The following N4BP2 variants were observed in gnomAD, a reference collection of about 807,000 sequenced individuals.
N4BP2 encodes the protein NEDD4 binding protein 2.
N4BP2 carries 91 observed loss-of-function variants against 152.8 expected under a neutral mutation model. That is an observed-to-expected ratio of 0.60 (90% CI 0.50 to 0.71). N4BP2 has a LOEUF of 0.71. Among genes scored for constraint, N4BP2 ranks in the 30% least tolerant of loss-of-function variants. The pLI is 0.00. For missense variants in N4BP2, 1,923 were observed against 2,059.1 expected (o/e 0.93, Z 1.28); for synonymous variants, 646 against 705.3 (o/e 0.92, Z 1.33).
chr4:40,175,104 T>C, the N4BP2 span, among the ~76,000 whole-genome samples: 1 of 152,080 alleles, frequency 6.6e-6, no homozygotes, highest in East Asian at 1.9e-4. Flanking sequence ...CACTGCAGCC[T>C]AGAATTCCTG....
chr4:40,104,865 T>C (rs368570150), intron 4 of N4BP2, among the ~76,000 whole-genome samples: 258 of 150,218 alleles, frequency 1.7e-3, no homozygotes, highest in African/African-American at 5.9e-3. Context: ...AGTGCAGTGG[T>C]GCGATCTCGG....
At chr4:40,185,488 T>C in the N4BP2 span, among the ~76,000 whole-genome samples, 20,472 of 152,160 alleles carry the variant, frequency 0.13, 1,645 homozygotes, top group Non-Finnish European at 0.18. Flanking sequence ...AGACAAGAAT[T>C]AGAGAACAAA....
chr4:40,136,779 A>AT (rs979259636), intron 13 of N4BP2, among the ~76,000 whole-genome samples, 165 bp from the exon 14 acceptor site: 11 of 151,502 alleles, frequency 7.3e-5, no homozygotes, highest in South Asian at 2.1e-4. Context: ...ATTATTCTTG[A>AT]TTTTTTTTTG....
chr4:40,093,018 A>G lies in N4BP2; in HGVS notation c.-114-4209A>G, dbSNP rs537206523. On this transcript the variant is annotated intron_variant, in intron 2 of 17. Transcript: ENST00000261435. ...GAATGCAATGGCGCAGTTTCAGTTC[A>G]CTGCAACCTCTGCCTCCTGGGTTCA... Among the ~76,000 whole-genome samples the G allele has an allele frequency of 3.3e-5, 5 of 150,378 alleles. No homozygotes were observed. The South Asian group carries it at 1.1e-3, about 32-fold the overall frequency.
chr4:40,144,898 G>A (rs1720368091), intron 16 of N4BP2, 98 bp downstream of exon 16: 17 of 883,104 alleles, frequency 1.9e-5, no homozygotes, highest in Non-Finnish European at 2.9e-5. Flanking sequence ...TGCAGGCTGA[G>A]AATATCTGTG....
At chr4:40,126,686 G>A (rs906054688) in intron 12 of N4BP2, among the ~76,000 whole-genome samples, 4 of 151,976 alleles carry the variant, frequency 2.6e-5, no homozygotes, top group Non-Finnish European at 4.4e-5. Context: ...GCTCATGGAA[G>A]CCTTGACCTC....
At chr4:40,139,783 G>A (rs1229529955) in intron 14 of N4BP2, among the ~76,000 whole-genome samples, 5 of 145,762 alleles carry the variant, frequency 3.4e-5, no homozygotes, top group South Asian at 2.2e-4. Context: ...GAGCCACTGC[G>A]CCAGGCCTAG....
chr4:40,150,885 T>G (rs997924001), intron 16 of N4BP2, among the ~76,000 whole-genome samples: 1 of 152,226 alleles, frequency 6.6e-6, no homozygotes, highest in African/African-American at 2.4e-5. Flanking sequence ...CTAATGATAT[T>G]AAGGGACTTT....
At chr4:40,100,756 C>G (rs1579022423) in intron 3 of N4BP2, among the ~76,000 whole-genome samples, 1 of 152,172 alleles carries the variant, frequency 6.6e-6, no homozygotes, top group East Asian at 1.9e-4. Flanking sequence ...GGCTCTGTCA[C>G]TGACTATCTG....
the N4BP2 span, chr4:40,166,883 A>G: frequency 6.6e-6 from 1 of 152,222 alleles, no homozygotes; most frequent in African/African-American, 2.4e-5. Context: ...GTTACAAACA[A>G]TTCAGTTGTT....
rs78199997 is a variant in N4BP2 at position 40,106,867 on chromosome 4, G to A, written c.1374-33G>A. ...TTAGGAGAGAAAATTTAGAAGAAAA[G>A]GTAATGAAAATTATTTCATTTATCT... On this transcript the variant is annotated intron_variant, in intron 4 of 17. Transcript: ENST00000261435. The A allele has an allele frequency of 9.0e-3, 14,067 of 1,564,772 alleles. 155 individuals are homozygous for A. The highest frequency in any genetic ancestry group is 0.035 in the South Asian group (2,976 of 84,510).
chr4:40,142,632 T>C (rs770798546), intron 14 of N4BP2, 41 bp from the exon 15 acceptor site: 1 of 1,456,888 alleles, frequency 6.9e-7, no homozygotes, highest in South Asian at 1.3e-5. Flanking sequence ...GTTTTTTTTT[T>C]AACTTTCTGT....
At position 40,156,368 on chromosome 4, in the gene N4BP2, G is replaced by A. The variant is rs1721598013; in HGVS notation, c.*2131G>A. ...ATGAAAAAAGCTATATTGTTTACTT[G>A]TTTACTATATCAATGTTAATATTAT... On this transcript the variant is annotated 3_prime_UTR_variant, in exon 18 of 18. Coordinates refer to ENST00000261435, the MANE Select transcript of N4BP2 (RefSeq NM_018177.6). 1 of 152,036 alleles carries A rather than the reference G, an allele frequency of 6.6e-6. No individual in the cohort carries two copies. Among genetic ancestry groups the A allele is most frequent in the African/African-American group, 2.4e-5 (1 of 41,414 alleles). The allele number at this position is 152,036 out of a possible 1,614,324, so 9.4% of individuals were successfully genotyped here.
At chr4:40,108,057 A>G (rs544825690) in intron 5 of N4BP2, among the ~76,000 whole-genome samples, 100 of 151,016 alleles carry the variant, frequency 6.6e-4, no homozygotes, top group African/African-American at 2.2e-3. Context: ...CAGCCTGAGT[A>G]GTTGGGACTA....
chr4:40,057,926 C>T (rs933263526), intron 1 of N4BP2, among the ~76,000 whole-genome samples: 1 of 152,146 alleles, frequency 6.6e-6, no homozygotes, highest in Non-Finnish European at 1.5e-5. Flanking sequence ...ACATTCTCGC[C>T]ATGCAGTGGT....
rs1286454951 is a variant in N4BP2, at chr4:40,141,447, C to T, written c.4786-1226C>T. ...GTAGAGGCGCTCCTCACATCCCAGACGGGGCGGCGGGGCAGAGGCGCTCCC... is the reference window on the plus strand; with the variant it reads ...GTAGAGGCGCTCCTCACATCCCAGATGGGGCGGCGGGGCAGAGGCGCTCCC... On this transcript the variant is annotated intron_variant, in intron 14 of 17. Transcript: ENST00000261435. Among the ~76,000 whole-genome samples, 30 of 144,898 alleles carry T rather than the reference C, an allele frequency of 2.1e-4. No homozygotes were observed. The East Asian group carries it at 5.5e-3, about 27-fold the overall frequency.
intron 5 of N4BP2, among the ~76,000 whole-genome samples, chr4:40,107,771 TG>T (rs1716462957): frequency 6.6e-6 from 1 of 152,048 alleles, no homozygotes; most frequent in Non-Finnish European, 1.5e-5. Flanking sequence ...TTTCATAGGG[TG>T]GTTATAAGGA....
At chr4:40,177,541 C>T in the N4BP2 span, among the ~76,000 whole-genome samples, 4 of 151,868 alleles carry the variant, frequency 2.6e-5, no homozygotes, top group South Asian at 4.2e-4. Flanking sequence ...GCTTAAACCC[C>T]GGAGGCAGAG....
chr4:40,062,200 TC>T (rs1733715266), intron 1 of N4BP2, among the ~76,000 whole-genome samples: 1 of 151,816 alleles, frequency 6.6e-6, no homozygotes, highest in South Asian at 2.1e-4. Context: ...TGCCTCAGTC[TC>T]CTGAGTAGCC....
Sources: gnomAD v4.1 joint callset for allele counts (sites outside exome capture counted in the v4.1 genomes callset) on GRCh38, gnomAD v4.1.1 for gene constraint, MANE v1.5 for transcripts, NCBI Gene and HGNC (gene_info 2026-07-23, HGNC 2026-07-21) for gene names.